The following VCAN variants were observed in gnomAD, a reference collection of about 807,000 sequenced individuals.
VCAN encodes versican.
Under a neutral mutation model 245.5 loss-of-function variants are expected in VCAN, and 44 were observed. That is an observed-to-expected ratio of 0.18 (90% CI 0.14 to 0.23). VCAN has a LOEUF of 0.23. Among genes scored for constraint, VCAN ranks in the 10% least tolerant of loss-of-function variants. The pLI is 1.00. For missense variants in VCAN, 3,793 were observed against 4,057.9 expected (o/e 0.93, Z 1.77); for synonymous variants, 1,413 against 1,437.0 (o/e 0.98, Z 0.38).
intron 11 of VCAN, among the ~76,000 whole-genome samples, chr5:83,554,214 G>T (rs966954855): frequency 1.3e-5 from 2 of 152,182 alleles, no homozygotes; most frequent in African/African-American, 4.8e-5. Flanking sequence ...TGCTGTCCAG[G>T]CTTGACTTGA....
At chr5:83,550,048 A>G (rs1422412437) in intron 10 of VCAN, among the ~76,000 whole-genome samples, 1 of 152,214 alleles carries the variant, frequency 6.6e-6, no homozygotes, top group South Asian at 2.1e-4. Flanking sequence ...AATTACAGAT[A>G]CAAAATCTAG....
At chr5:83,547,638 GT>G (rs1747284676) in intron 9 of VCAN, among the ~76,000 whole-genome samples, 1 of 151,992 alleles carries the variant, frequency 6.6e-6, no homozygotes, top group African/African-American at 2.4e-5. Flanking sequence ...TTCTTCATTC[GT>G]TTTAGGGCTT....
intron 6 of VCAN, among the ~76,000 whole-genome samples, chr5:83,517,093 C>G (rs2112401374): frequency 6.6e-6 from 1 of 152,240 alleles, no homozygotes; most frequent in East Asian, 1.9e-4. Flanking sequence ...AGAACAGATT[C>G]TCTAGGACAT....
rs757797721 is a variant in VCAN, at chr5:83,522,047, C to T, written c.3741C>T (p.Asp1247=). The T allele has an allele frequency of 4.4e-5, 71 of 1,614,092 alleles. No homozygotes were observed. In the Middle Eastern group the frequency reaches 4.9e-4, roughly 11 times the overall value. Residue 1247 remains aspartate, a synonymous_variant, in exon 7 of 15, where the codon GAC becomes GAT. Coordinates refer to ENST00000265077, the MANE Select transcript of VCAN (RefSeq NM_004385.5). Reference sequence around the variant, plus strand: ...AACCTGGTGAAGAAACAACCAGTGACATGGTAATCATTGGAGAATCAACAT... The same window carrying T: ...AACCTGGTGAAGAAACAACCAGTGATATGGTAATCATTGGAGAATCAACAT... ...DREPGEETTS[D]MVIIGESTSH... is the part of the protein sequence containing the mutation.
At chr5:83,502,963 C>T (rs1745376403) in intron 5 of VCAN, among the ~76,000 whole-genome samples, 1 of 152,160 alleles carries the variant, frequency 6.6e-6, no homozygotes, top group South Asian at 2.1e-4. Context: ...GTTATTTTGG[C>T]AGCCCTAGAG....
Position 83,537,239 on chromosome 5 carries a change from T to A in VCAN, c.4236T>A (p.Asn1412Lys). Residue 1412 changes from asparagine (N) to lysine (K), a missense_variant, in exon 8 of 15, where the codon AAT becomes AAA. By Grantham distance (94) the Asn-to-Lys change is moderately conservative (BLOSUM62 0). This residue lies in a region of VCAN where 3,182 missense variants were observed against 3,250.3 expected (regional missense o/e 0.98). Transcript: ENST00000265077. ...VTTTPSVQYI[N>K]GKHLVTTVPK... Reference sequence around the variant, plus strand: ...CCACCCCATCTGTGCAGTACATAAATGGGAAGCATCTCGTTACCACTGTGC... The same window carrying A: ...CCACCCCATCTGTGCAGTACATAAAAGGGAAGCATCTCGTTACCACTGTGC... The A allele has an allele frequency of 6.2e-7, 1 of 1,613,894 alleles. No homozygotes were observed.
chr5:83,473,113 G>C (rs1035460080), intron 1 of VCAN, among the ~76,000 whole-genome samples: 1 of 152,126 alleles, frequency 6.6e-6, no homozygotes, highest in Non-Finnish European at 1.5e-5. Flanking sequence ...CGTGTGCCGG[G>C]AGCCCCGGGG....
At chr5:83,506,845 A>T (rs751267279) in intron 5 of VCAN, among the ~76,000 whole-genome samples, 10 of 152,328 alleles carry the variant, frequency 6.6e-5, no homozygotes, top group Admixed American at 1.3e-4. Context: ...CACTTCTTAC[A>T]TGGCAGCGGC....
intron 5 of VCAN, among the ~76,000 whole-genome samples, chr5:83,508,814 TA>T (rs1208837938): frequency 1.3e-5 from 2 of 152,358 alleles, no homozygotes; most frequent in African/African-American, 4.8e-5. Context: ...ATATGTTTTA[TA>T]AAAATTTTAT....
rs186313358 is a variant in VCAN at position 83,512,001 on chromosome 5, A to T, written c.749-102A>T. 1.1e-3 allele frequency: 1,696 copies of T among 1,487,228 alleles called. 18 individuals carry two copies. In the African/African-American group the frequency reaches 0.021, roughly 18 times the overall value. 92.1% of individuals were successfully genotyped at this position (1,487,228 alleles called of 1,614,324 possible). Reference sequence around the variant, plus strand: ...CAGAAGCTGCTACCTTGCCATGAAAAAGTATTACATGCTCCTCCAATTCCT... The same window carrying T: ...CAGAAGCTGCTACCTTGCCATGAAATAGTATTACATGCTCCTCCAATTCCT... On this transcript the variant is annotated intron_variant, in intron 5 of 14. Transcript: ENST00000265077.
At position 83,483,051 on chromosome 5, in the gene VCAN, C is replaced by T. The variant is rs143731617; in HGVS notation, c.-6-462C>T. On this transcript the variant is annotated intron_variant, in intron 1 of 14. Coordinates refer to ENST00000265077, the MANE Select transcript of VCAN (RefSeq NM_004385.5). ...CTCACCTTACACTTGATGAAGATGT[C>T]TTTCTTTCAACATCTTTCTCTATTG... Among the ~76,000 whole-genome samples, 276 of 152,302 alleles carry T rather than the reference C, an allele frequency of 1.8e-3. 2 individuals are homozygous for T. The highest frequency in any genetic ancestry group is 6.4e-3 in the African/African-American group (266 of 41,558).
rs368052136 is a variant in VCAN, at chr5:83,539,191, C to G, written c.6188C>G (p.Thr2063Arg). The G allele has an allele frequency of 6.2e-7, 1 of 1,613,810 alleles. No homozygotes were observed. The highest frequency in any genetic ancestry group is 1.3e-5 in the African/African-American group (1 of 74,896). Residue 2063 changes from threonine (T) to arginine (R), a missense_variant, in exon 8 of 15, where the codon ACA (threonine) becomes AGA (arginine). Transcript: ENST00000265077. ...EIDRRSTILP[T>R]AEVEGTKAPV... ...GATAGAAGATCCACCATTTTACCAACAGCAGAAGTGGAAGGTACGAAAGCT... is the reference window on the plus strand; with the variant it reads ...GATAGAAGATCCACCATTTTACCAAGAGCAGAAGTGGAAGGTACGAAAGCT...
intron 13 of VCAN, among the ~76,000 whole-genome samples, chr5:83,578,033 T>G (rs552938208): frequency 2.6e-5 from 4 of 152,198 alleles, no homozygotes; most frequent in Non-Finnish European, 5.9e-5. Flanking sequence ...ATTGATCATT[T>G]TTAACCTTCC....
At chr5:83,565,297 A>G (rs1748029502) in intron 12 of VCAN, among the ~76,000 whole-genome samples, 1 of 152,140 alleles carries the variant, frequency 6.6e-6, no homozygotes. Flanking sequence ...ATGGCAGGAA[A>G]TTATCTGCTA....
At chr5:83,544,237 G>T (rs934764544) in intron 8 of VCAN, among the ~76,000 whole-genome samples, 1 of 152,148 alleles carries the variant, frequency 6.6e-6, no homozygotes, top group African/African-American at 2.4e-5. Flanking sequence ...AAATAGTTTT[G>T]GAACTATAGG....
In VCAN at chr5:83,554,827, G is replaced by C. The variant is rs981718721; in HGVS notation, c.9653-129G>C. The C allele has an allele frequency of 5.9e-6, 5 of 845,306 alleles. No individual in the cohort carries two copies. In the African/African-American group the frequency reaches 8.5e-5, roughly 14 times the overall value. 52.4% of individuals were successfully genotyped at this position (845,306 alleles called of 1,614,324 possible). On this transcript the variant is annotated intron_variant, in intron 11 of 14. Coordinates refer to ENST00000265077, the MANE Select transcript of VCAN (RefSeq NM_004385.5). Reference sequence around the variant, plus strand: ...AAGGTAGACTAGGAGAGATTTTTATGAGCAACTAAATAAAAATCCAGCCAG... The same window carrying C: ...AAGGTAGACTAGGAGAGATTTTTATCAGCAACTAAATAAAAATCCAGCCAG...
intron 7 of VCAN, among the ~76,000 whole-genome samples, chr5:83,532,750 G>A (rs965442892): frequency 2.6e-5 from 4 of 151,844 alleles, no homozygotes; most frequent in African/African-American, 4.8e-5. Context: ...AAGTTGTCGC[G>A]AACTTATTTA....
rs1273522091 is a variant in VCAN, at chr5:83,538,934, A to G, written c.5931A>G (p.Ser1977=). 2 of 1,613,948 alleles carry G rather than the reference A, an allele frequency of 1.2e-6. No individual in the cohort carries two copies. Among genetic ancestry groups the G allele is most frequent in the African/African-American group, 2.7e-5 (2 of 74,918 alleles). ...TQTSPSTVPT[S]VHISHISDSE... ...CTTCACCATCTACAGTACCTACTTC[A>G]GTTCACATCAGTCACATATCTGACT... The change falls in exon 8 of 15, where the codon TCA becomes TCG. Residue 1977 remains serine, a synonymous_variant. Coordinates refer to ENST00000265077, the MANE Select transcript of VCAN (RefSeq NM_004385.5).
At position 83,537,733 on chromosome 5, in the gene VCAN, G is replaced by A. The variant is rs35443373; in HGVS notation, c.4730G>A (p.Ser1577Asn). 2.5e-6 allele frequency: 4 copies of A among 1,613,832 alleles called. No individual in the cohort carries two copies. In the African/African-American group the frequency reaches 4.0e-5, roughly 16 times the overall value. Residue 1577 changes from serine to asparagine, a missense_variant, in exon 8 of 15, where the codon AGT becomes AAT. By Grantham distance (46) the Ser-to-Asn change is conservative. Transcript: ENST00000265077. ...EVTFGEEVEKSTSVTYTPTIV... is the reference protein window; with the variant it reads ...EVTFGEEVEKNTSVTYTPTIV... ...ACATTTGGTGAAGAGGTAGAAAAAAGTACTTCTGTCACATACACTCCCACT... is the reference window on the plus strand; with the variant it reads ...ACATTTGGTGAAGAGGTAGAAAAAAATACTTCTGTCACATACACTCCCACT...
Sources: gnomAD v4.1 joint callset for allele counts (sites outside exome capture counted in the v4.1 genomes callset) on GRCh38, gnomAD v4.1.1 for gene constraint, gnomAD v4.1.1 regional missense constraint, MANE v1.5 for transcripts, NCBI Gene and HGNC (gene_info 2026-07-23, HGNC 2026-07-21) for gene names.